TBCK: variants seen among roughly 807,000 people sequenced by gnomAD.
The protein encoded by TBCK is TBC domain-containing protein kinase-like protein.
In TBCK, 99 loss-of-function variants were observed where a neutral mutation model predicts 113.4. That is an observed-to-expected ratio of 0.87 (90% confidence interval 0.74 to 1.03). The LOEUF is 1.03. TBCK is among the 50% of genes least tolerant of loss of function. TBCK has a pLI of 0.00. For synonymous variants in TBCK, 369 were observed against 370.8 expected, an observed-to-expected ratio of 1.00 and a Z score of 0.05; for missense variants, 1,045 against 1,061.3, an observed-to-expected ratio of 0.98 and a Z score of 0.21.
chr4:106,092,017 T>C (rs905653546), intron 25 of TBCK, among the ~76,000 whole-genome samples: 2 of 152,194 alleles, frequency 1.3e-5, no homozygotes, highest in Non-Finnish European at 2.9e-5. Context: ...GAGTGCTGAT[T>C]GGTGTATTTA....
intron 20 of TBCK, among the ~76,000 whole-genome samples, chr4:106,201,221 G>A (rs748338302): frequency 6.6e-6 from 1 of 151,808 alleles, no homozygotes; most frequent in African/African-American, 2.4e-5. Context: ...AATAAGTAAT[G>A]TACTCTGTGA....
At position 106,043,226 on chromosome 4, in the gene TBCK, T is replaced by A. The variant is rs934692829; in HGVS notation, c.*3344A>T. 2.0e-5 allele frequency: 3 copies of A among 152,184 alleles called. No homozygotes were observed. The highest frequency in any genetic ancestry group is 7.2e-5 in the African/African-American group (3 of 41,446). 9.4% of individuals were successfully genotyped at this position (152,184 alleles called of 1,614,324 possible). A position where few individuals can be genotyped will look rare whatever the true frequency, so the allele number is the denominator to read the frequency against. On this transcript the variant is annotated 3_prime_UTR_variant, in exon 26 of 26. Transcript: ENST00000394708. ...ACATTTCTGTATTTTGAAAAGAGGA[T>A]GCAACTAGATTAAATTACCTTATTT...
At chr4:106,060,006 C>T (rs1227542165) in intron 25 of TBCK, among the ~76,000 whole-genome samples, 1 of 151,742 alleles carries the variant, frequency 6.6e-6, no homozygotes, top group Non-Finnish European at 1.5e-5. Context: ...CAGGCCTTAG[C>T]TCTCCAATTC....
At chr4:106,236,058 A>C (rs1759422399) in intron 14 of TBCK, among the ~76,000 whole-genome samples, 1 of 151,826 alleles carries the variant, frequency 6.6e-6, no homozygotes, top group South Asian at 2.1e-4. Flanking sequence ...ATTTGCATAG[A>C]TTTACTAGCT....
intron 22 of TBCK, among the ~76,000 whole-genome samples, chr4:106,179,232 C>G (rs183886309): frequency 1.3e-5 from 2 of 152,004 alleles, no homozygotes; most frequent in African/African-American, 4.8e-5. Context: ...GTTTTCTTAG[C>G]CTGAATTTCA....
chr4:106,190,492 C>T (rs762634153), intron 22 of TBCK, among the ~76,000 whole-genome samples: 2 of 152,172 alleles, frequency 1.3e-5, no homozygotes, highest in Admixed American at 6.5e-5. Flanking sequence ...ATAACTGCTG[C>T]TTAGATGAAT....
At chr4:106,308,618 G>T in intron 2 of TBCK, 150 bp downstream of exon 2, 1 of 705,332 alleles carries the variant, frequency 1.4e-6, no homozygotes. Context: ...GTGTACGAGA[G>T]AGAGGCAGGG....
chr4:106,165,930 T>C (rs1240146682), intron 23 of TBCK, among the ~76,000 whole-genome samples: 1 of 151,740 alleles, frequency 6.6e-6, no homozygotes, highest in South Asian at 2.1e-4. Flanking sequence ...ATACAATAGA[T>C]GCATGCAGAA....
chr4:106,275,986 T>C (rs1260772048), intron 3 of TBCK, among the ~76,000 whole-genome samples: 1 of 152,000 alleles, frequency 6.6e-6, no homozygotes, highest in Non-Finnish European at 1.5e-5. Flanking sequence ...AGAACAAAAT[T>C]GGAAAATCTA....
chr4:106,297,187 A>C (rs1766406565), intron 2 of TBCK, among the ~76,000 whole-genome samples: 1 of 152,112 alleles, frequency 6.6e-6, no homozygotes, highest in African/African-American at 2.4e-5. Flanking sequence ...AAAAACTCTG[A>C]GATTTTATTG....
At chr4:106,237,701 T>C (rs143603209) in intron 12 of TBCK, among the ~76,000 whole-genome samples, 1 of 152,260 alleles carries the variant, frequency 6.6e-6, no homozygotes, top group African/African-American at 2.4e-5. Context: ...AATTTATGCC[T>C]GGTTCTACTC....
chr4:106,273,970 G>A (rs1415331990), intron 3 of TBCK, among the ~76,000 whole-genome samples: 1 of 152,162 alleles, frequency 6.6e-6, no homozygotes. Context: ...GAAGCTAGAG[G>A]CTTTCAAGTG....
chr4:106,082,464 GT>G (rs1379862026), intron 25 of TBCK, among the ~76,000 whole-genome samples: 1 of 152,026 alleles, frequency 6.6e-6, no homozygotes, highest in Non-Finnish European at 1.5e-5. Context: ...GAGAGACATG[GT>G]TTTTAGGGCT....
At chr4:106,304,003 C>A (rs1767235355) in intron 2 of TBCK, among the ~76,000 whole-genome samples, 1 of 152,144 alleles carries the variant, frequency 6.6e-6, no homozygotes. Flanking sequence ...GTTTAATGCA[C>A]ATACACACGG....
At chr4:106,142,643 T>C (rs1468730210) in intron 23 of TBCK, among the ~76,000 whole-genome samples, 1 of 152,160 alleles carries the variant, frequency 6.6e-6, no homozygotes, top group African/African-American at 2.4e-5. Context: ...CCAAAATCCA[T>C]TTCTCTTTAA....
intron 23 of TBCK, among the ~76,000 whole-genome samples, chr4:106,170,768 ACT>A (rs1051431297): frequency 3.3e-5 from 5 of 151,600 alleles, no homozygotes; most frequent in African/African-American, 4.8e-5. Flanking sequence ...TCTATTAACA[ACT>A]CTTTTTCTAT....
intron 24 of TBCK, among the ~76,000 whole-genome samples, chr4:106,115,147 G>A (rs1743341664): frequency 1.3e-5 from 2 of 152,144 alleles, no homozygotes; most frequent in Admixed American, 1.3e-4. Context: ...AATTGGAATT[G>A]AAAATATTAA....
In TBCK at chr4:106,129,300, C is replaced by T. The variant is rs549135088; in HGVS notation, c.2236-12922G>A. Among the ~76,000 whole-genome samples, 28 of 152,238 alleles carry T rather than the reference C, an allele frequency of 1.8e-4. No individual in the cohort carries two copies. The South Asian group carries it at 5.8e-3, about 32-fold the overall frequency. ...TATCCTGATGCTCTCCCTCTCTCCG[C>T]CCCCTGGACAGGCCCCAGTGTGTGT... On this transcript the variant is annotated intron_variant, in intron 23 of 25. Transcript: ENST00000394708.
chr4:106,132,568 C>T (rs141260922), intron 23 of TBCK, among the ~76,000 whole-genome samples: 3 of 152,296 alleles, frequency 2.0e-5, no homozygotes, highest in African/African-American at 7.2e-5. Context: ...AGGGCACTGC[C>T]TAATGGAGCT....
Sources: allele counts gnomAD v4.1 joint callset (sites outside exome capture counted in the v4.1 genomes callset), GRCh38; gene constraint gnomAD v4.1.1; transcripts MANE v1.5; gene names NCBI Gene and HGNC (gene_info 2026-07-23, HGNC 2026-07-21).